ZNF469: variants seen among roughly 807,000 people sequenced by gnomAD.
ZNF469 encodes the protein zinc finger protein 469.
Under a neutral mutation model 1.0 loss-of-function variants are expected in ZNF469, and 1 was observed. The ratio of observed to expected loss-of-function variants is 1.00; its 90% CI spans 0.35 to 4.73. ZNF469 has a LOEUF of 4.73. Ranked by LOEUF, ZNF469 falls within the 30% of genes most tolerant of loss-of-function variation. The pLI is 0.16. For synonymous variants in ZNF469, 2,703 were observed against 2,363.4 expected, an observed-to-expected ratio of 1.14 and a Z score of -4.17; for missense variants, 6,100 against 5,356.3, an observed-to-expected ratio of 1.14 and a Z score of -4.33.
the ZNF469 span, among the ~76,000 whole-genome samples, chr16:88,111,960 C>T: frequency 1.3e-5 from 2 of 152,156 alleles, no homozygotes; most frequent in Non-Finnish European, 2.9e-5. Flanking sequence ...TTCTTTCCAT[C>T]CCTTGATTAT....
the ZNF469 span, among the ~76,000 whole-genome samples, chr16:88,237,958 A>G: frequency 6.6e-6 from 1 of 152,108 alleles, no homozygotes. Flanking sequence ...TTCACCTAGC[A>G]GCACCTAAGA....
chr16:88,367,971 G>A, the ZNF469 span, among the ~76,000 whole-genome samples: 8 of 152,226 alleles, frequency 5.3e-5, no homozygotes, highest in Non-Finnish European at 7.4e-5. Context: ...CCTAATGCCC[G>A]CAGACGAAAG....
the ZNF469 span, among the ~76,000 whole-genome samples, chr16:88,280,056 A>C: frequency 6.6e-6 from 1 of 151,086 alleles, no homozygotes; most frequent in Non-Finnish European, 1.5e-5. Context: ...GTGCACGGTT[A>C]GTGCTGCATC....
the ZNF469 span, among the ~76,000 whole-genome samples, chr16:88,150,644 G>C: frequency 6.6e-6 from 1 of 151,866 alleles, no homozygotes; most frequent in Admixed American, 6.6e-5. Flanking sequence ...TTGGACCCAC[G>C]GTGAAAATCC....
In ZNF469 at chr16:88,414,333, G is replaced by A. The variant is rs74032850; in HGVS notation, c.-191-10474G>A. On this transcript the variant is annotated intron_variant, in intron 1 of 2. Coordinates refer to ENST00000565624, the MANE Select transcript of ZNF469 (RefSeq NM_001367624.2). ...AACACAAACACCTGCTGGGCATCGG[G>A]AAACGGGAACAAACTTTGGTGTGGG... Among the ~76,000 whole-genome samples, 1,252 of 152,374 alleles carry A rather than the reference G, an allele frequency of 8.2e-3. 14 individuals are homozygous for A. The highest frequency in any genetic ancestry group is 0.029 in the African/African-American group (1,199 of 41,586).
intron 1 of ZNF469, among the ~76,000 whole-genome samples, chr16:88,393,826 C>T (rs1289974301): frequency 7.9e-5 from 12 of 152,214 alleles, no homozygotes; most frequent in Non-Finnish European, 1.5e-4. Flanking sequence ...GTGGGGCGGA[C>T]GCTGCCCCAC....
chr16:88,401,341 C>A (rs1360387944), intron 1 of ZNF469, among the ~76,000 whole-genome samples: 1 of 152,226 alleles, frequency 6.6e-6, no homozygotes, highest in African/African-American at 2.4e-5. Context: ...CTCCAGGACG[C>A]CACAGCACCT....
the ZNF469 span, among the ~76,000 whole-genome samples, chr16:88,105,779 C>G: frequency 6.6e-6 from 1 of 152,238 alleles, no homozygotes; most frequent in East Asian, 1.9e-4. Context: ...TCTGCCATGA[C>G]TGGGTAGGGG....
the ZNF469 span, among the ~76,000 whole-genome samples, chr16:88,324,256 C>T: frequency 6.6e-6 from 1 of 152,382 alleles, no homozygotes; most frequent in East Asian, 1.9e-4. Context: ...CTGAGCAATA[C>T]TTCTGCAGCA....
the ZNF469 span, among the ~76,000 whole-genome samples, chr16:88,246,419 A>G: frequency 6.6e-6 from 1 of 152,204 alleles, no homozygotes; most frequent in South Asian, 2.1e-4. Context: ...TCTCAGAGCA[A>G]GCCAAGTAAG....
At chr16:88,383,576 A>C (rs2092530761) in intron 1 of ZNF469, among the ~76,000 whole-genome samples, 2 of 150,094 alleles carry the variant, frequency 1.3e-5, no homozygotes, top group South Asian at 4.2e-4. Flanking sequence ...CGGGCAACGT[A>C]CTGGCGAGGG....
the ZNF469 span, among the ~76,000 whole-genome samples, chr16:88,191,230 T>C: frequency 6.6e-6 from 1 of 152,068 alleles, no homozygotes; most frequent in African/African-American, 2.4e-5. Flanking sequence ...TCTGCAGTTC[T>C]ACTCTTTCCT....
At chr16:88,323,455 C>G in the ZNF469 span, among the ~76,000 whole-genome samples, 1 of 152,336 alleles carries the variant, frequency 6.6e-6, no homozygotes, top group African/African-American at 2.4e-5. Flanking sequence ...GTGTTTTGAT[C>G]ACTTCTGACA....
the ZNF469 span, among the ~76,000 whole-genome samples, chr16:88,327,907 C>T: frequency 0.21 from 31,978 of 152,156 alleles, 3,367 homozygotes; most frequent in South Asian, 0.29. Flanking sequence ...AAACCAGAAA[C>T]GTGAGATTGT....
the ZNF469 span, among the ~76,000 whole-genome samples, chr16:88,263,383 G>A: frequency 4.6e-5 from 7 of 152,338 alleles, no homozygotes; most frequent in Non-Finnish European, 7.3e-5. Context: ...TCTGTGAATC[G>A]GGAACGCCCG....
the ZNF469 span, among the ~76,000 whole-genome samples, chr16:88,351,903 C>G: frequency 6.6e-6 from 1 of 152,238 alleles, no homozygotes; most frequent in African/African-American, 2.4e-5. Context: ...GGTTTCGAAA[C>G]TGGGTCACCT....
At chr16:88,190,371 C>G in the ZNF469 span, among the ~76,000 whole-genome samples, 2,619 of 152,300 alleles carry the variant, frequency 0.017, 10 homozygotes, top group African/African-American at 0.06. Flanking sequence ...CCAGCACAGC[C>G]CCACCATGCA....
chr16:88,419,411 G>A (rs1424354445), intron 1 of ZNF469, among the ~76,000 whole-genome samples: 1 of 152,196 alleles, frequency 6.6e-6, no homozygotes. Context: ...CCCCGGCTCT[G>A]CTCCCCAGAC....
intron 1 of ZNF469, among the ~76,000 whole-genome samples, chr16:88,413,709 G>C (rs1333892327): frequency 1.3e-5 from 2 of 152,228 alleles, no homozygotes; most frequent in Non-Finnish European, 2.9e-5. Context: ...GGGTGACTGT[G>C]GCAGTGCTGA....
Sources: gnomAD v4.1 joint callset for allele counts (sites outside exome capture counted in the v4.1 genomes callset) on GRCh38, gnomAD v4.1.1 for gene constraint, MANE v1.5 for transcripts, NCBI Gene and HGNC (gene_info 2026-07-23, HGNC 2026-07-21) for gene names.